DTNA: variants seen among roughly 807,000 people sequenced by gnomAD.
DTNA encodes the protein dystrophin-related protein 3.
Under a neutral mutation model 100.7 loss-of-function variants are expected in DTNA, and 43 were observed. The observed-to-expected ratio is 0.43, with a 90% confidence interval of 0.33 to 0.55. The LOEUF is 0.55. Ranked by LOEUF, DTNA falls within the 20% of genes least tolerant of loss-of-function variation. The pLI is 0.04. For missense variants in DTNA, 798 were observed against 953.9 expected, an observed-to-expected ratio of 0.84 and a Z score of 2.15; for synonymous variants, 349 against 347.9, an observed-to-expected ratio of 1.00 and a Z score of -0.04.
At chr18:34,565,215 A>G (rs964172366) in intron 1 of DTNA, among the ~76,000 whole-genome samples, 2 of 152,244 alleles carry the variant, frequency 1.3e-5, no homozygotes, top group African/African-American at 4.8e-5. Context: ...AGCCAGTAAA[A>G]CAAACATACA....
chr18:34,639,255 G>A (rs569171880), intron 1 of DTNA, among the ~76,000 whole-genome samples: 1 of 152,144 alleles, frequency 6.6e-6, no homozygotes, highest in South Asian at 2.1e-4. Context: ...TGTGCTTTGT[G>A]GCATGCTTAG....
At chr18:34,609,165 C>A (rs1323369428) in intron 1 of DTNA, among the ~76,000 whole-genome samples, 3 of 151,988 alleles carry the variant, frequency 2.0e-5, no homozygotes, top group Non-Finnish European at 2.9e-5. Context: ...TCACTCAAGA[C>A]AAGCTTGTAA....
At chr18:34,790,546 A>G (rs1415928439) in intron 3 of DTNA, among the ~76,000 whole-genome samples, 7 of 111,722 alleles carry the variant, frequency 6.3e-5, no homozygotes, top group South Asian at 2.7e-4. Context: ...TTTAAGCAGC[A>G]TACTATATAT....
intron 8 of DTNA, chr18:34,818,556 C>T: frequency 7.1e-7 from 1 of 1,409,086 alleles, no homozygotes; most frequent in Non-Finnish European, 9.3e-7. Context: ...AGACTCAAAA[C>T]TATGTTACTT....
intron 18 of DTNA, among the ~76,000 whole-genome samples, chr18:34,875,620 T>G (rs1218928871): frequency 6.6e-6 from 1 of 152,224 alleles, no homozygotes; most frequent in East Asian, 1.9e-4. Context: ...CCTGCCTTAT[T>G]TTTTAGTAAG....
intron 1 of DTNA, among the ~76,000 whole-genome samples, chr18:34,719,683 T>C (rs2084849802): frequency 1.3e-5 from 2 of 152,196 alleles, no homozygotes; most frequent in South Asian, 4.1e-4. Context: ...CTTTCCGGTA[T>C]TTATGTCATT....
At chr18:34,759,745 G>T (rs1053482376) in intron 2 of DTNA, among the ~76,000 whole-genome samples, 2 of 152,098 alleles carry the variant, frequency 1.3e-5, no homozygotes, top group Admixed American at 1.3e-4. Context: ...GCAGTGGCGC[G>T]ATCTCAGCTC....
At chr18:34,876,644 C>G (rs373912251) in intron 18 of DTNA, among the ~76,000 whole-genome samples, 3 of 152,094 alleles carry the variant, frequency 2.0e-5, no homozygotes, top group African/African-American at 7.2e-5. Flanking sequence ...AGCAAAAGTG[C>G]GAGGAAAAAG....
intron 1 of DTNA, among the ~76,000 whole-genome samples, chr18:34,506,405 T>G (rs1191636364): frequency 6.6e-6 from 1 of 152,140 alleles, no homozygotes; most frequent in Non-Finnish European, 1.5e-5. Context: ...TTACTTGGCC[T>G]TCTATGACAT....
At chr18:34,785,791 C>T (rs1467115299) in intron 3 of DTNA, among the ~76,000 whole-genome samples, 1 of 144,948 alleles carries the variant, frequency 6.9e-6, no homozygotes, top group African/African-American at 2.6e-5. Flanking sequence ...TCTATCTCCT[C>T]CCTCTCCGAC....
At chr18:34,728,034 TCTTTA>T (rs1015403203) in intron 1 of DTNA, among the ~76,000 whole-genome samples, 3 of 152,194 alleles carry the variant, frequency 2.0e-5, no homozygotes, top group South Asian at 2.1e-4. Flanking sequence ...AATTTTCCTA[TCTTTA>T]CTTTCCTATG....
At chr18:34,815,806 A>G in intron 6 of DTNA, 103 bp from the exon 7 acceptor site, 1 of 1,002,060 alleles carries the variant, frequency 1.0e-6, no homozygotes, top group Non-Finnish European at 1.6e-6. Flanking sequence ...TTAGACATTT[A>G]TTGAGTGCTC....
chr18:34,803,047 C>T lies in DTNA; in HGVS notation c.363-3172C>T, dbSNP rs576670570. Among the ~76,000 whole-genome samples, 113 of 152,272 alleles carry T rather than the reference C, an allele frequency of 7.4e-4. 1 individual carries two copies. The Middle Eastern group carries it at 0.01, about 14-fold the overall frequency. On this transcript the variant is annotated intron_variant, in intron 4 of 22. Coordinates refer to ENST00000444659, the MANE Select transcript of DTNA (RefSeq NM_001386795.1). ...TGTTGTAGAGTCAGTCATCTCTGCT[C>T]ACTCCTCAAACCGCATAAATATTTA...
chr18:34,647,940 T>A (rs1056259507), intron 1 of DTNA, among the ~76,000 whole-genome samples: 6 of 152,206 alleles, frequency 3.9e-5, no homozygotes, highest in African/African-American at 1.4e-4. Context: ...GGAAAAATAG[T>A]TGCTGTAAAA....
chr18:34,737,025 T>C lies in DTNA; in HGVS notation c.-1-18951T>C, dbSNP rs376312922. ...ATGGGCTTCCTTCAAAACCAGGGAG[T>C]AGTGAAAGTTCATTTGTATTCATTT... On this transcript the variant is annotated intron_variant, in intron 1 of 22. Transcript: ENST00000444659. 5.9e-5 allele frequency among the ~76,000 whole-genome samples: 9 copies of C among 152,142 alleles called. No individual in the cohort carries two copies. In the East Asian group the frequency reaches 1.7e-3, roughly 29 times the overall value.
At chr18:34,837,011 A>T (rs1358827419) in intron 11 of DTNA, among the ~76,000 whole-genome samples, 1 of 152,102 alleles carries the variant, frequency 6.6e-6, no homozygotes, top group African/African-American at 2.4e-5. Flanking sequence ...AGTTTTTAAG[A>T]TTTTAACTAA....
chr18:34,698,016 GAC>G (rs953348391), intron 1 of DTNA, among the ~76,000 whole-genome samples: 3 of 152,130 alleles, frequency 2.0e-5, no homozygotes, highest in African/African-American at 7.2e-5. Flanking sequence ...TCATTCCCTT[GAC>G]ACACTCCTTC....
At chr18:34,585,816 G>T (rs2049075499) in intron 1 of DTNA, among the ~76,000 whole-genome samples, 1 of 152,170 alleles carries the variant, frequency 6.6e-6, no homozygotes, top group African/African-American at 2.4e-5. Context: ...GGGCTTCAAA[G>T]GTATAGAGAG....
chr18:34,548,304 A>C (rs555637065), intron 1 of DTNA, among the ~76,000 whole-genome samples: 1 of 152,130 alleles, frequency 6.6e-6, no homozygotes, highest in Non-Finnish European at 1.5e-5. Context: ...CACAGGTTAG[A>C]GGTGTGTCCC....
Sources: allele counts gnomAD v4.1 joint callset (sites outside exome capture counted in the v4.1 genomes callset), GRCh38; gene constraint gnomAD v4.1.1; transcripts MANE v1.5; gene names NCBI Gene and HGNC (gene_info 2026-07-23, HGNC 2026-07-21).